Variants in TRAP1 observed in about 807,000 individuals in gnomAD.
TRAP1 encodes the protein heat shock protein 75 kDa, mitochondrial.
In TRAP1, 102 loss-of-function variants were observed where a neutral mutation model predicts 89.1. The observed-to-expected ratio is 1.15, with a 90% CI of 0.98 to 1.35. TRAP1 has a LOEUF of 1.35. Ranked by LOEUF, TRAP1 falls within the 40% of genes most tolerant of loss-of-function variation. TRAP1 has a pLI of 0.00. For missense variants in TRAP1, 1,256 were observed against 945.3 expected (o/e 1.33, Z -4.31); for synonymous variants, 508 against 388.0 (o/e 1.31, Z -3.64).
At chr16:3,686,294 G>A (rs562268038) in intron 3 of TRAP1, among the ~76,000 whole-genome samples, 158 bp from the exon 4 acceptor site, 1 of 152,302 alleles carries the variant, frequency 6.6e-6, no homozygotes, top group African/African-American at 2.4e-5. Flanking sequence ...CAGTTCCTCT[G>A]GGCCGGTCAC....
At chr16:3,709,081 C>T (rs1267805596) in intron 1 of TRAP1, among the ~76,000 whole-genome samples, 1 of 151,932 alleles carries the variant, frequency 6.6e-6, no homozygotes, top group African/African-American at 2.4e-5. Flanking sequence ...TCCCACAGTG[C>T]TGGGATTACA....
At chr16:3,704,009 C>T (rs1282236855) in intron 1 of TRAP1, among the ~76,000 whole-genome samples, 1 of 68,060 alleles carries the variant, frequency 1.5e-5, no homozygotes, top group Non-Finnish European at 2.9e-5. Context: ...AGCGAGACCC[C>T]GTCTCAAAAA....
At position 3,686,018 on chromosome 16, in the gene TRAP1, T is replaced by C; in HGVS notation, c.449A>G (p.Glu150Gly). Residue 150 changes from glutamate (E) to glycine (G), a missense_variant, in exon 4 of 18, where the codon GAG becomes GGG. Physicochemically the swap from Glu to Gly is moderately conservative, Grantham distance 98 (BLOSUM62 -2). Coordinates refer to ENST00000246957, the MANE Select transcript of TRAP1 (RefSeq NM_016292.3). ...TACCTGGATGGTGATGGTGCCTTTC[T>C]CGGCATTGGTCTGCAAGTGAATCTC... Reference protein sequence around the residue: ...EMEIHLQTNAEKGTITIQDTG... With the variant: ...EMEIHLQTNAGKGTITIQDTG... The C allele has an allele frequency of 6.2e-7, 1 of 1,613,992 alleles. No individual in the cohort carries two copies. Among genetic ancestry groups the C allele is most frequent in the South Asian group, 1.1e-5 (1 of 91,048 alleles).
At chr16:3,710,917 C>A (rs896348926) in intron 1 of TRAP1, among the ~76,000 whole-genome samples, 49 of 144,302 alleles carry the variant, frequency 3.4e-4, no homozygotes, top group African/African-American at 1.2e-3. Context: ...GTCACCCAGA[C>A]TGTAGTGCAG....
At chr16:3,693,244 C>T (rs762949623) in intron 1 of TRAP1, among the ~76,000 whole-genome samples, 92 of 152,110 alleles carry the variant, frequency 6.0e-4, no homozygotes, top group Non-Finnish European at 9.7e-4. Context: ...CCACCATGCC[C>T]GGCCAACCCT....
At chr16:3,690,667 G>A (rs1344163331) in intron 2 of TRAP1, among the ~76,000 whole-genome samples, 160 bp downstream of exon 2, 2 of 152,220 alleles carry the variant, frequency 1.3e-5, no homozygotes, top group Non-Finnish European at 2.9e-5. Flanking sequence ...CCCTCGCTGG[G>A]ACAGAAATGG....
chr16:3,705,018 G>C (rs2051421008), intron 1 of TRAP1, among the ~76,000 whole-genome samples: 1 of 152,146 alleles, frequency 6.6e-6, no homozygotes, highest in Admixed American at 6.6e-5. Flanking sequence ...GCACAATTCA[G>C]TGGTTTTAGT....
intron 11 of TRAP1, 147 bp from the exon 12 acceptor site, chr16:3,666,265 A>G: frequency 9.2e-7 from 1 of 1,090,420 alleles, no homozygotes; most frequent in Non-Finnish European, 1.3e-6. Context: ...AAAAAGACTG[A>G]GCAGAAAGAC....
intron 9 of TRAP1, among the ~76,000 whole-genome samples, chr16:3,673,030 G>A (rs1050881319): frequency 7.9e-5 from 12 of 152,042 alleles, no homozygotes; most frequent in African/African-American, 1.5e-4. Flanking sequence ...GGCAGCTGCC[G>A]CCCTCCCCAG....
At chr16:3,712,398 T>C (rs1257623379) in intron 1 of TRAP1, among the ~76,000 whole-genome samples, 1 of 149,742 alleles carries the variant, frequency 6.7e-6, no homozygotes, top group Non-Finnish European at 1.5e-5. Context: ...CTTTGTCACA[T>C]GGTATTTACT....
At position 3,661,991 on chromosome 16, in the gene TRAP1, G is replaced by C; in HGVS notation, c.1936C>G (p.Pro646Ala). 6.2e-7 allele frequency: 1 copy of C among 1,605,696 alleles called. No individual in the cohort carries two copies. The highest frequency in any genetic ancestry group is 1.1e-5 in the South Asian group (1 of 90,590). Reference sequence around the variant, plus strand: ...GAGCCAGGAGCGTGGCCTCACCTGGGGTTGATCTCCAGCGTGGGCTGCAGG... The same window carrying C: ...GAGCCAGGAGCGTGGCCTCACCTGGCGTTGATCTCCAGCGTGGGCTGCAGG... ...QLLQPTLEIN[P>A]RHALIKKLNQ... The change falls in exon 16 of 18, where the codon CCC (proline) becomes GCC (alanine). Residue 646 changes from proline to alanine, a missense_variant. Coordinates refer to ENST00000246957, the MANE Select transcript of TRAP1 (RefSeq NM_016292.3).
At chr16:3,694,914 G>A (rs1165548261) in intron 1 of TRAP1, among the ~76,000 whole-genome samples, 1 of 152,164 alleles carries the variant, frequency 6.6e-6, no homozygotes, top group Non-Finnish European at 1.5e-5. Context: ...GGTGCCACTA[G>A]GGCTGGTTCC....
At chr16:3,671,486 C>G (rs1356447697) in intron 11 of TRAP1, among the ~76,000 whole-genome samples, 3 of 152,014 alleles carry the variant, frequency 2.0e-5, no homozygotes, top group African/African-American at 7.2e-5. Context: ...GGCCCCTCCC[C>G]CTATCCAGAC....
intron 2 of TRAP1, among the ~76,000 whole-genome samples, chr16:3,689,491 G>A (rs991890369): frequency 2.6e-5 from 4 of 152,062 alleles, no homozygotes; most frequent in Non-Finnish European, 5.9e-5. Flanking sequence ...TGATTGGCCC[G>A]CCTCGGCCTC....
In TRAP1 at chr16:3,662,931, A is replaced by G. The variant is rs2043168633; in HGVS notation, c.1745T>C (p.Leu582Pro). 1 of 1,612,710 alleles carries G rather than the reference A, an allele frequency of 6.2e-7. No individual in the cohort carries two copies. The highest frequency in any genetic ancestry group is 8.5e-7 in the Non-Finnish European group (1 of 1,179,994). The change falls in exon 15 of 18, where the codon CTC becomes CCC. Residue 582 changes from leucine (L) to proline (P), a missense_variant. Leu to Pro is a moderately conservative substitution (Grantham distance 98). Transcript: ENST00000246957. Reference sequence around the variant, plus strand: ...CAGCACATTTCTCATCCAGGCCATGAGCTCCTCCGTCTCCTTCTCTGATAG... The same window carrying G: ...CAGCACATTTCTCATCCAGGCCATGGGCTCCTCCGTCTCCTTCTCTGATAG... ...ECLSEKETEE[L>P]MAWMRNVLGS...
intron 16 of TRAP1, chr16:3,659,777 ATAG>A (rs2042964665): frequency 6.7e-6 from 1 of 150,048 alleles, no homozygotes; most frequent in African/African-American, 2.4e-5. Context: ...AGATAGATAG[ATAG>A]ACTCTCACTC....
rs147064605 is a variant in TRAP1 at position 3,681,004 on chromosome 16, A to G, written c.472-1214T>C. 3.8e-3 allele frequency among the ~76,000 whole-genome samples: 575 copies of G among 152,234 alleles called. 3 individuals carry two copies. The highest frequency in any genetic ancestry group is 0.013 in the African/African-American group (550 of 41,520). ...GCAGCCTGAATCACAATACAGACCA[A>G]CGCGCTGGTGAACACACAAGGCCTT... On this transcript the variant is annotated intron_variant, in intron 4 of 17. Transcript: ENST00000246957.
chr16:3,706,068 T>C (rs1039947923), intron 1 of TRAP1, among the ~76,000 whole-genome samples: 1 of 150,046 alleles, frequency 6.7e-6, no homozygotes, highest in African/African-American at 2.4e-5. Context: ...CAACCTCCAA[T>C]TCCCAGGGTC....
intron 11 of TRAP1, among the ~76,000 whole-genome samples, chr16:3,667,757 A>ATT (rs745741003): frequency 8.5e-6 from 1 of 117,734 alleles, no homozygotes; most frequent in African/African-American, 3.1e-5. Context: ...TAACACATCA[A>ATT]TTTTTTTTTT....
Sources: gnomAD v4.1 joint callset for allele counts (sites outside exome capture counted in the v4.1 genomes callset) on GRCh38, gnomAD v4.1.1 for gene constraint, MANE v1.5 for transcripts, NCBI Gene and HGNC (gene_info 2026-07-23, HGNC 2026-07-21) for gene names.